The following ABCG2 variants were observed in gnomAD, a reference collection of about 807,000 sequenced individuals.
The protein encoded by ABCG2 is broad substrate specificity ATP-binding cassette transporter ABCG2.
A neutral mutation model predicts 73.5 loss-of-function variants in ABCG2; 80 were observed. The ratio of observed to expected loss-of-function variants is 1.09; its 90% CI spans 0.91 to 1.31. The LOEUF (loss-of-function observed/expected upper bound fraction) is 1.31. ABCG2 is among the 50% of genes most tolerant of loss of function. The pLI is 0.00. For missense variants in ABCG2, 796 were observed against 786.2 expected (o/e 1.01, Z -0.15); for synonymous variants, 269 against 282.4 (o/e 0.95, Z 0.48).
upstream of ABCG2, chr4:88,158,743 T>TC: frequency 2.5e-6 from 1 of 397,368 alleles, no homozygotes; most frequent in South Asian, 1.8e-5. Flanking sequence ...GCCCGAGCGC[T>TC]CCCCTCGCGC....
intron 1 of ABCG2, among the ~76,000 whole-genome samples, chr4:88,149,339 TTTACATGCGTG>T (rs1224509395): frequency 6.6e-6 from 1 of 152,212 alleles, no homozygotes; most frequent in African/African-American, 2.4e-5. Flanking sequence ...CCAAGTGCAA[TTTACATGCGTG>T]TTACATCCCA....
chr4:88,191,498 A>C (rs79000748), intron 1 of ABCG2, among the ~76,000 whole-genome samples: 1 of 152,068 alleles, frequency 6.6e-6, no homozygotes, highest in Admixed American at 6.6e-5. Flanking sequence ...ATCTTCATAC[A>C]TTGCTGGTAG....
chr4:88,098,645 GAGATAGAT>G lies in ABCG2; in HGVS notation c.1492+671_1492+678del, dbSNP rs55760486. ...ATACATATATAGAGAGAGACAGGGA[GAGATAGAT>G]AGATAGATAGATAGATAGATAGATA... is the stretch of plus-strand genomic sequence containing the variant. On this transcript the variant is annotated intron_variant, in intron 12 of 15. Coordinates refer to ENST00000237612, the MANE Select transcript of ABCG2 (RefSeq NM_004827.3). 5.6e-4 allele frequency among the ~76,000 whole-genome samples: 81 copies of G among 143,904 alleles called. 1 individual carries two copies. Among genetic ancestry groups the G allele is most frequent in the Middle Eastern group, 7.1e-3 (2 of 282 alleles). 94.4% of individuals were successfully genotyped at this position (143,904 alleles called of 152,430 possible). A position where few individuals can be genotyped will look rare whatever the true frequency, so the allele number is the denominator to read the frequency against.
chr4:88,192,120 G>T, intron 1 of ABCG2, among the ~76,000 whole-genome samples: 1 of 151,780 alleles, frequency 6.6e-6, no homozygotes, highest in South Asian at 2.1e-4. Flanking sequence ...GGTGGAGGTT[G>T]CGGTGAGCCA....
intron 8 of ABCG2, among the ~76,000 whole-genome samples, chr4:88,114,419 G>T (rs1723383009): frequency 6.6e-6 from 1 of 152,094 alleles, no homozygotes; most frequent in Non-Finnish European, 1.5e-5. Context: ...TTGAGGTCAG[G>T]AGTTTGAAAC....
chr4:88,105,802 A>G (rs1578178888), intron 10 of ABCG2, among the ~76,000 whole-genome samples: 2 of 152,244 alleles, frequency 1.3e-5, no homozygotes, highest in South Asian at 4.1e-4. Flanking sequence ...CTGATAAGGG[A>G]TTAATATCTC....
At position 88,121,776 on chromosome 4, in the gene ABCG2, A is replaced by G; in HGVS notation, c.548T>C (p.Ile183Thr). Residue 183 changes from isoleucine (I) to threonine (T), a missense_variant, in exon 6 of 16, where the codon ATC becomes ACC. By Grantham distance (89) the Ile-to-Thr change is moderately conservative (BLOSUM62 -1). Transcript: ENST00000237612. ...VADSKVGTQF[I>T]RGVSGGERKR... ...TCTTTCTCCTCCAGACACACCACGGATAAACTGAGTTCCAACCTAAATCAC... is the reference window on the plus strand; with the variant it reads ...TCTTTCTCCTCCAGACACACCACGGGTAAACTGAGTTCCAACCTAAATCAC... 6.2e-7 allele frequency: 1 copy of G among 1,612,666 alleles called. No homozygotes were observed. Among genetic ancestry groups the G allele is most frequent in the Non-Finnish European group, 8.5e-7 (1 of 1,179,624 alleles).
chr4:88,157,839 C>A (rs528540659), intron 1 of ABCG2, among the ~76,000 whole-genome samples: 9 of 152,138 alleles, frequency 5.9e-5, no homozygotes, highest in Non-Finnish European at 1.3e-4. Context: ...AAAAACCAAG[C>A]TTTAGGGGAT....
chr4:88,121,652 G>A lies in ABCG2; in HGVS notation c.672C>T (p.Val224=). 6.2e-7 allele frequency: 1 copy of A among 1,613,744 alleles called. No homozygotes were observed. The highest frequency in any genetic ancestry group is 8.5e-7 in the Non-Finnish European group (1 of 1,179,902). ...TGLDSSTANA[V]LLLLKRMSKQ... Reference sequence around the variant, plus strand: ...GCATTTACCTTTTCAGGAGCAAAAGGACAGCATTTGCTGTGCTTGAGTCTA... The same window carrying A: ...GCATTTACCTTTTCAGGAGCAAAAGAACAGCATTTGCTGTGCTTGAGTCTA... The change falls in exon 6 of 16, where the codon GTC becomes GTT. Residue 224 remains valine, a synonymous_variant. Coordinates refer to ENST00000237612, the MANE Select transcript of ABCG2 (RefSeq NM_004827.3).
rs148902089 is a variant in ABCG2 at position 88,168,242 on chromosome 4, G to A, written c.-19-28228C>T. On this transcript the variant is annotated intron_variant, in intron 1 of 15. Transcript: ENST00000515655. ...AGTGGTTCACACCTGTAATCCCAGCGCTTTGGGAGGCTGAAGCGGGTGGAT... is the reference window on the plus strand; with the variant it reads ...AGTGGTTCACACCTGTAATCCCAGCACTTTGGGAGGCTGAAGCGGGTGGAT... Among the ~76,000 whole-genome samples the A allele has an allele frequency of 7.0e-3, 1,060 of 152,066 alleles. 10 individuals are homozygous for A. The highest frequency in any genetic ancestry group is 0.023 in the African/African-American group (942 of 41,466).
chr4:88,196,403 C>A (rs1019297697), intron 1 of ABCG2, among the ~76,000 whole-genome samples: 4 of 152,174 alleles, frequency 2.6e-5, no homozygotes, highest in Non-Finnish European at 5.9e-5. Context: ...TTACCAGAAT[C>A]TGAGAACACT....
intron 13 of ABCG2, 121 bp downstream of exon 13, chr4:88,097,332 A>G: frequency 8.8e-7 from 1 of 1,134,082 alleles, no homozygotes; most frequent in Non-Finnish European, 1.2e-6. Flanking sequence ...AGATGGCCTT[A>G]AGTAAAGCAG....
At chr4:88,178,812 T>C (rs1728112475) in intron 1 of ABCG2, among the ~76,000 whole-genome samples, 1 of 152,094 alleles carries the variant, frequency 6.6e-6, no homozygotes, top group South Asian at 2.1e-4. Context: ...ACTCCTCTGC[T>C]TGTGGAAATG....
chr4:88,097,869 A>G (rs1722095189), intron 12 of ABCG2, among the ~76,000 whole-genome samples: 1 of 152,244 alleles, frequency 6.6e-6, no homozygotes, highest in Admixed American at 6.5e-5. Flanking sequence ...TACAGGCAGT[A>G]CAACTAACCA....
chr4:88,212,042 T>C (rs751890376), intron 1 of ABCG2, among the ~76,000 whole-genome samples: 1 of 152,124 alleles, frequency 6.6e-6, no homozygotes, highest in Admixed American at 6.5e-5. Context: ...ATGTCCCAAT[T>C]TACACATACC....
chr4:88,147,548 A>G (rs775982791), intron 1 of ABCG2, among the ~76,000 whole-genome samples: 5 of 152,220 alleles, frequency 3.3e-5, no homozygotes, highest in Admixed American at 6.5e-5. Flanking sequence ...GAATTTCTCT[A>G]CAGAGGCTGG....
chr4:88,187,951 T>TA (rs1383881792), intron 1 of ABCG2, among the ~76,000 whole-genome samples: 7 of 152,226 alleles, frequency 4.6e-5, no homozygotes, highest in Non-Finnish European at 8.8e-5. Context: ...GTAGCATTTT[T>TA]AGTCATCGTA....
intron 1 of ABCG2, among the ~76,000 whole-genome samples, chr4:88,222,388 G>A (rs990656079): frequency 6.6e-6 from 1 of 152,170 alleles, no homozygotes; most frequent in Non-Finnish European, 1.5e-5. Context: ...ACATGTTGTG[G>A]GAGGGACCTG....
At chr4:88,226,360 A>G (rs1730212140) in intron 1 of ABCG2, among the ~76,000 whole-genome samples, 1 of 152,226 alleles carries the variant, frequency 6.6e-6, no homozygotes, top group African/African-American at 2.4e-5. Flanking sequence ...AGTCCCTCAC[A>G]TTCACACACA....
Sources: gnomAD v4.1 joint callset for allele counts (sites outside exome capture counted in the v4.1 genomes callset) on GRCh38, gnomAD v4.1.1 for gene constraint, MANE v1.5 for transcripts, NCBI Gene and HGNC (gene_info 2026-07-23, HGNC 2026-07-21) for gene names.